SOBP: variants seen among roughly 807,000 people sequenced by gnomAD.
SOBP encodes the protein sine oculis binding protein homolog.
In SOBP, 4 loss-of-function variants were observed where a neutral mutation model predicts 53.6. The observed-to-expected ratio is 0.07, with a 90% CI of 0.04 to 0.17. The LOEUF (loss-of-function observed/expected upper bound fraction) is 0.17, where lower values mean the gene tolerates loss of function less well. Among genes scored for constraint, SOBP ranks in the 10% least tolerant of loss-of-function variants. SOBP has a pLI of 1.00. For missense variants in SOBP, 1,088 were observed against 1,204.7 expected (o/e 0.90, Z 1.43); for synonymous variants, 584 against 522.6 (o/e 1.12, Z -1.60).
At chr6:107,644,525 A>G (rs1189442267) in intron 6 of SOBP, among the ~76,000 whole-genome samples, 1 of 152,214 alleles carries the variant, frequency 6.6e-6, no homozygotes, top group East Asian at 1.9e-4. Flanking sequence ...TATGAAAAAG[A>G]GGAGGGGGAA....
At position 107,635,105 on chromosome 6, in the gene SOBP, C is replaced by G. The variant is rs769494875; in HGVS notation, c.2261C>G (p.Pro754Arg). The G allele has an allele frequency of 5.0e-6, 8 of 1,608,782 alleles. No homozygotes were observed. Among genetic ancestry groups the G allele is most frequent in the Admixed American group, 1.7e-5 (1 of 59,614 alleles). ...CCGCCGCCGCCGCCGCCCGCGCCCC[C>G]CAAGAAGCTGCTGTCGCCTGAGGAA... Reference protein sequence around the residue: ...QPPPPPPPAPPKKLLSPEEPA... With the variant: ...QPPPPPPPAPRKKLLSPEEPA... Residue 754 changes from proline (P) to arginine (R), a missense_variant, in exon 6 of 7, where the codon CCC becomes CGC. Pro to Arg is a moderately radical substitution (Grantham distance 103). Coordinates refer to ENST00000317357, the MANE Select transcript of SOBP (RefSeq NM_018013.4). The surrounding 1 kb of genome is among the most constrained non-coding windows in gnomAD (Gnocchi z 4.5).
At chr6:107,644,745 G>C (rs1325156350) in intron 6 of SOBP, among the ~76,000 whole-genome samples, 1 of 152,200 alleles carries the variant, frequency 6.6e-6, no homozygotes, top group Admixed American at 6.5e-5. Flanking sequence ...AAGTGTAAAT[G>C]AGTCAGAAAC....
rs190915012 is a variant in SOBP, at chr6:107,503,444, C to T, written c.97-213C>T. On this transcript the variant is annotated intron_variant, in intron 1 of 6. Transcript: ENST00000317357. ...TTTTTGTCTTATTATCTTTAAATTA[C>T]AAATATCTGAAGCCCTGTCATAATT... Among the ~76,000 whole-genome samples, 27 of 152,198 alleles carry T rather than the reference C, an allele frequency of 1.8e-4. No individual in the cohort carries two copies. In the East Asian group the frequency reaches 4.8e-3, roughly 27 times the overall value.
In SOBP at chr6:107,633,948, A is replaced by T. The variant is rs773960586; in HGVS notation, c.1104A>T (p.Pro368=). 6.2e-7 allele frequency: 1 copy of T among 1,614,046 alleles called. No individual in the cohort carries two copies. Among genetic ancestry groups the T allele is most frequent in the South Asian group, 1.1e-5 (1 of 91,076 alleles). Residue 368 remains proline, a synonymous_variant, in exon 6 of 7, where the codon CCA becomes CCT. Coordinates refer to ENST00000317357, the MANE Select transcript of SOBP (RefSeq NM_018013.4). ...TPNIPPVSVQ[P]PASIGPPLGV... ...ATATCCCTCCTGTCTCCGTCCAGCC[A>T]CCTGCTAGCATCGGGCCTCCCCTTG...
At chr6:107,542,643 A>C (rs1003502534) in intron 4 of SOBP, among the ~76,000 whole-genome samples, 3 of 152,220 alleles carry the variant, frequency 2.0e-5, no homozygotes, top group African/African-American at 7.2e-5. Flanking sequence ...CTGGCAATAG[A>C]AAACTAAAAA....
At chr6:107,603,251 G>A (rs1056994818) in intron 5 of SOBP, among the ~76,000 whole-genome samples, 9 of 152,330 alleles carry the variant, frequency 5.9e-5, no homozygotes, top group Middle Eastern at 3.4e-3. Context: ...CTTGGGCAAA[G>A]CCTGCCTCCC....
In SOBP at chr6:107,634,920, C is replaced by G. The variant is rs903805980; in HGVS notation, c.2076C>G (p.Gly692=). Residue 692 remains glycine, a synonymous_variant, in exon 6 of 7, where the codon GGC becomes GGG. Transcript: ENST00000317357. The surrounding 1 kb of genome is among the most constrained non-coding windows in gnomAD (Gnocchi z 4.5). ...PSAAERRTCG[G]CRDGHCSPPA... ...CCGCGGAGCGCAGGACCTGCGGCGG[C>G]TGCAGGGACGGCCACTGCAGCCCGC... 1.7e-6 allele frequency: 2 copies of G among 1,193,854 alleles called. No individual in the cohort carries two copies. Among genetic ancestry groups the G allele is most frequent in the Admixed American group, 7.5e-5 (2 of 26,802 alleles). The allele number at this position is 1,193,854 out of a possible 1,614,324, so 74.0% of individuals were successfully genotyped here.
At chr6:107,500,392 A>AC (rs1241648724) in intron 1 of SOBP, among the ~76,000 whole-genome samples, 3 of 152,064 alleles carry the variant, frequency 2.0e-5, no homozygotes, top group Non-Finnish European at 4.4e-5. Flanking sequence ...AAAAAAAAAA[A>AC]AAGGAAAAGG....
intron 4 of SOBP, among the ~76,000 whole-genome samples, chr6:107,583,982 T>A (rs1216802705): frequency 6.6e-6 from 1 of 152,196 alleles, no homozygotes; most frequent in African/African-American, 2.4e-5. Flanking sequence ...CATGTGGGAT[T>A]TCAGATTTTT....
rs752548618 is a variant in SOBP at position 107,635,927 on chromosome 6, C to T, written c.*3+458C>T. On this transcript the variant is annotated intron_variant, in intron 6 of 6. Coordinates refer to ENST00000317357, the MANE Select transcript of SOBP (RefSeq NM_018013.4). The surrounding 1 kb of genome is among the most constrained non-coding windows in gnomAD (Gnocchi z 4.5). ...CCAGTGAACCCATGAGCTGGGCCAC[C>T]TACTAAATAGAGCTGGTTGCCTCAT... 2.6e-5 allele frequency among the ~76,000 whole-genome samples: 4 copies of T among 152,212 alleles called. No individual in the cohort carries two copies. Among genetic ancestry groups the T allele is most frequent in the African/African-American group, 4.8e-5 (2 of 41,452 alleles).
intron 6 of SOBP, among the ~76,000 whole-genome samples, chr6:107,648,974 TG>T (rs1771678892): frequency 1.3e-5 from 2 of 151,466 alleles, no homozygotes; most frequent in South Asian, 2.1e-4. Flanking sequence ...AAGGCTGAGG[TG>T]GGAGGATCAT....
chr6:107,646,655 C>A (rs1771574600), intron 6 of SOBP, among the ~76,000 whole-genome samples: 1 of 152,242 alleles, frequency 6.6e-6, no homozygotes, highest in Non-Finnish European at 1.5e-5. Context: ...GAATCAGATC[C>A]TCCCATGGCC....
At chr6:107,526,973 T>G (rs1783683219) in intron 3 of SOBP, among the ~76,000 whole-genome samples, 1 of 152,208 alleles carries the variant, frequency 6.6e-6, no homozygotes, top group Non-Finnish European at 1.5e-5. Flanking sequence ...TAGGGATAAT[T>G]TTAGGTACTA....
intron 5 of SOBP, among the ~76,000 whole-genome samples, chr6:107,614,810 G>A (rs1343125595): frequency 6.6e-6 from 1 of 152,174 alleles, no homozygotes; most frequent in East Asian, 1.9e-4. Flanking sequence ...GTATCAAAAG[G>A]GAATTTGATG....
chr6:107,647,419 T>C (rs1411867480), intron 6 of SOBP, among the ~76,000 whole-genome samples: 2 of 152,160 alleles, frequency 1.3e-5, no homozygotes, highest in Non-Finnish European at 2.9e-5. Flanking sequence ...TAATAACCCC[T>C]ACTTTGTGCA....
At chr6:107,552,502 G>A (rs1692027734) in intron 4 of SOBP, among the ~76,000 whole-genome samples, 1 of 152,178 alleles carries the variant, frequency 6.6e-6, no homozygotes, top group African/African-American at 2.4e-5. Flanking sequence ...ATGAGGAGGG[G>A]CAGCCTCCCA....
In SOBP at chr6:107,635,599, G is replaced by T; in HGVS notation, c.*3+130G>T. ...TGTGTTTTATATTGCACACGGTGTG[G>T]TCACGCTATCAACATTCTGAGCCAG... is the stretch of plus-strand genomic sequence containing the variant. On this transcript the variant is annotated intron_variant, in intron 6 of 6. Coordinates refer to ENST00000317357, the MANE Select transcript of SOBP (RefSeq NM_018013.4). The surrounding 1 kb of genome is among the most constrained non-coding windows in gnomAD (Gnocchi z 4.5). The T allele has an allele frequency of 7.9e-7, 1 of 1,266,834 alleles. No homozygotes were observed. Among genetic ancestry groups the T allele is most frequent in the Non-Finnish European group, 1.1e-6 (1 of 896,750 alleles). 78.5% of individuals were successfully genotyped at this position (1,266,834 alleles called of 1,614,324 possible). A position where few individuals can be genotyped will look rare whatever the true frequency, so the allele number is the denominator to read the frequency against.
At chr6:107,650,397 G>A (rs764042615) in intron 6 of SOBP, among the ~76,000 whole-genome samples, 10 of 152,166 alleles carry the variant, frequency 6.6e-5, no homozygotes, top group Non-Finnish European at 1.5e-4. Context: ...TACGCTTCAC[G>A]AATATTGCCT....
At chr6:107,651,784 A>T (rs752241097) in intron 6 of SOBP, among the ~76,000 whole-genome samples, 10 of 152,188 alleles carry the variant, frequency 6.6e-5, no homozygotes, top group Non-Finnish European at 1.3e-4. Flanking sequence ...CGGTGACCTT[A>T]AGTGGAAGCC....
Sources: allele counts gnomAD v4.1 joint callset (sites outside exome capture counted in the v4.1 genomes callset), GRCh38; gene constraint gnomAD v4.1.1; non-coding constraint Gnocchi (gnomAD v3.1); transcripts MANE v1.5; gene names NCBI Gene and HGNC (gene_info 2026-07-23, HGNC 2026-07-21).